Variants in RNF217 observed in about 807,000 individuals in gnomAD.
RNF217 encodes the protein E3 ubiquitin-protein ligase RNF217.
In RNF217, 31 loss-of-function variants were observed where a neutral mutation model predicts 57.8. The observed-to-expected ratio is 0.54, with a 90% CI of 0.40 to 0.72. The LOEUF (loss-of-function observed/expected upper bound fraction) is 0.72, where lower values mean the gene tolerates loss of function less well. RNF217 is among the 30% of genes least tolerant of loss of function. The probability of loss-of-function intolerance (pLI) is 0.00; values close to 1 mark genes in which losing one functional copy is unlikely to be tolerated. For synonymous variants in RNF217, 313 were observed against 294.0 expected, an observed-to-expected ratio of 1.06 and a Z score of -0.66; for missense variants, 696 against 708.3, an observed-to-expected ratio of 0.98 and a Z score of 0.20.
intron 1 of RNF217, among the ~76,000 whole-genome samples, chr6:124,965,293 G>A (rs1783494367): frequency 6.6e-6 from 1 of 152,140 alleles, no homozygotes; most frequent in Non-Finnish European, 1.5e-5. Context: ...CACATTATTG[G>A]CCGGGTGCGG....
rs1349607957 is a variant in RNF217 at position 125,091,907 on chromosome 6, G to A, written c.*8970G>A. On this transcript the variant is annotated 3_prime_UTR_variant, in exon 6 of 6. Coordinates refer to ENST00000521654, the MANE Select transcript of RNF217 (RefSeq NM_001286398.3). Reference sequence around the variant, plus strand: ...TTGCTCTTCTTGATCTGTGCCTTTTGTTTTAGCTTTATACAAAATGCTAGG... The same window carrying A: ...TTGCTCTTCTTGATCTGTGCCTTTTATTTTAGCTTTATACAAAATGCTAGG... The A allele has an allele frequency of 4.6e-5, 7 of 151,958 alleles. No individual in the cohort carries two copies. Among genetic ancestry groups the A allele is most frequent in the Non-Finnish European group, 7.4e-5 (5 of 67,966 alleles). 9.4% of individuals were successfully genotyped at this position (151,958 alleles called of 1,614,324 possible). A position where few individuals can be genotyped will look rare whatever the true frequency, so the allele number is the denominator to read the frequency against.
In RNF217 at chr6:124,963,306, C is replaced by T. The variant is rs1443553866; in HGVS notation, c.762C>T (p.Pro254=). 2.0e-6 allele frequency: 3 copies of T among 1,535,760 alleles called. No homozygotes were observed. The highest frequency in any genetic ancestry group is 1.7e-6 in the Non-Finnish European group (2 of 1,146,734). Residue 254 remains proline (P), a synonymous_variant, in exon 1 of 6, where the codon CCC becomes CCT. Transcript: ENST00000521654. ...PYSGLGGVGD[P]YVPLMVLMCR... Reference sequence around the variant, plus strand: ...CTGGCCTGGGCGGTGTAGGGGATCCCTATGTGCCCCTCATGGTGCTGATGT... The same window carrying T: ...CTGGCCTGGGCGGTGTAGGGGATCCTTATGTGCCCCTCATGGTGCTGATGT...
At chr6:125,071,155 G>A (rs1358825917) in intron 3 of RNF217, among the ~76,000 whole-genome samples, 1 of 152,104 alleles carries the variant, frequency 6.6e-6, no homozygotes, top group African/African-American at 2.4e-5. Context: ...CATGCAGATG[G>A]TTCCCAAGTT....
intron 3 of RNF217, among the ~76,000 whole-genome samples, chr6:125,073,038 A>G (rs1448920572): frequency 6.6e-6 from 1 of 152,228 alleles, no homozygotes; most frequent in African/African-American, 2.4e-5. Flanking sequence ...TTTCCTTGGT[A>G]GATCACCCAC....
chr6:125,052,284 T>TTGTG (rs368469313), intron 2 of RNF217, among the ~76,000 whole-genome samples: 4,460 of 143,178 alleles, frequency 0.031, 89 homozygotes, highest in African/African-American at 0.052. Context: ...GTCATGCGTT[T>TTGTG]TGTGTGTGTG....
chr6:125,080,929 G>A (rs1397624613), intron 4 of RNF217, among the ~76,000 whole-genome samples: 2 of 151,912 alleles, frequency 1.3e-5, no homozygotes, highest in Admixed American at 6.6e-5. Flanking sequence ...TCTGTTAGGC[G>A]TTCATATTAT....
intron 3 of RNF217, among the ~76,000 whole-genome samples, chr6:125,070,609 T>C (rs563715979): frequency 1.3e-5 from 2 of 152,356 alleles, no homozygotes; most frequent in East Asian, 1.9e-4. Flanking sequence ...ATGCTGAGCA[T>C]TTTTTCATAT....
At chr6:125,003,373 T>TG (rs200551877) in intron 1 of RNF217, among the ~76,000 whole-genome samples, 2,596 of 152,286 alleles carry the variant, frequency 0.017, 72 homozygotes, top group African/African-American at 0.06. Flanking sequence ...TTTTGGTATG[T>TG]GACCTTGGAA....
chr6:125,045,176 G>C (rs200530162), intron 1 of RNF217, 35 bp from the exon 2 acceptor site: 3 of 1,405,872 alleles, frequency 2.1e-6, no homozygotes, highest in Non-Finnish European at 3.0e-6. Flanking sequence ...AACCAGTGAC[G>C]TTTTTTTCCT....
At chr6:124,991,338 A>T (rs1269037660) in intron 1 of RNF217, among the ~76,000 whole-genome samples, 1 of 152,154 alleles carries the variant, frequency 6.6e-6, no homozygotes, top group African/African-American at 2.4e-5. Context: ...TAATATTTAC[A>T]TGGCTAGCTC....
intron 1 of RNF217, among the ~76,000 whole-genome samples, chr6:125,004,195 T>A (rs1242051721): frequency 6.6e-6 from 1 of 152,164 alleles, no homozygotes; most frequent in Non-Finnish European, 1.5e-5. Flanking sequence ...CAGTTATATT[T>A]CCCCTTTTGT....
rs1788789042 is a variant in RNF217 at position 125,087,010 on chromosome 6, C to T, written c.*4073C>T. On this transcript the variant is annotated 3_prime_UTR_variant, in exon 6 of 6. Coordinates refer to ENST00000521654, the MANE Select transcript of RNF217 (RefSeq NM_001286398.3). ...GATGCCCCTCTTCAACCTCATTTTT[C>T]TCCATACCTCTGCTATTCTAACTAT... The T allele has an allele frequency of 6.6e-6, 1 of 152,036 alleles. No individual in the cohort carries two copies. Among genetic ancestry groups the T allele is most frequent in the South Asian group, 2.1e-4 (1 of 4,832 alleles). The allele number at this position is 152,036 out of a possible 1,614,324, so 9.4% of individuals were successfully genotyped here. A position where few individuals can be genotyped will look rare whatever the true frequency, so the allele number is the denominator to read the frequency against.
At chr6:124,993,964 T>C (rs752128253) in intron 1 of RNF217, among the ~76,000 whole-genome samples, 1 of 152,102 alleles carries the variant, frequency 6.6e-6, no homozygotes, top group African/African-American at 2.4e-5. Flanking sequence ...CTGCAGGTAG[T>C]GGGCAGTGAT....
intron 3 of RNF217, among the ~76,000 whole-genome samples, chr6:125,068,064 C>A (rs181479516): frequency 6.6e-6 from 1 of 152,120 alleles, no homozygotes; most frequent in African/African-American, 2.4e-5. Context: ...GGATAATATT[C>A]ATGTGTTTTT....
At chr6:124,997,711 A>G (rs1784805810) in intron 1 of RNF217, among the ~76,000 whole-genome samples, 1 of 152,154 alleles carries the variant, frequency 6.6e-6, no homozygotes, top group African/African-American at 2.4e-5. Flanking sequence ...TAAATCCTGC[A>G]TCTTTAATCT....
rs959569614 is a variant in RNF217, at chr6:125,085,009, A to G, written c.*2072A>G. 4.6e-5 allele frequency: 7 copies of G among 151,896 alleles called. No individual in the cohort carries two copies. The highest frequency in any genetic ancestry group is 3.9e-4 in the Admixed American group (6 of 15,226). The allele number at this position is 151,896 out of a possible 1,614,324, so 9.4% of individuals were successfully genotyped here. On this transcript the variant is annotated 3_prime_UTR_variant, in exon 6 of 6. Transcript: ENST00000521654. ...AACTCTAAACCTAGCTGATCTGTAT[A>G]TGTATGATGTATATATGTCATATGT...
At chr6:124,982,281 G>C (rs961727702) in intron 1 of RNF217, among the ~76,000 whole-genome samples, 1 of 152,050 alleles carries the variant, frequency 6.6e-6, no homozygotes, top group Non-Finnish European at 1.5e-5. Flanking sequence ...TCACTTCAAA[G>C]TAAATTCAAT....
intron 1 of RNF217, among the ~76,000 whole-genome samples, chr6:124,990,482 A>AACCTGTTT (rs1264789406): frequency 1.3e-5 from 2 of 152,136 alleles, no homozygotes; most frequent in African/African-American, 4.8e-5. Flanking sequence ...TTTCCCTGTA[A>AACCTGTTT]ACCTGTTTTA....
intron 1 of RNF217, among the ~76,000 whole-genome samples, chr6:125,012,012 A>ACTTTC (rs1785433697): frequency 2.0e-5 from 3 of 152,238 alleles, no homozygotes; most frequent in Admixed American, 1.3e-4. Context: ...TTTTAAAAGG[A>ACTTTC]TACTCATTGA....
Sources: gnomAD v4.1 joint callset for allele counts (sites outside exome capture counted in the v4.1 genomes callset) on GRCh38, gnomAD v4.1.1 for gene constraint, MANE v1.5 for transcripts, NCBI Gene and HGNC (gene_info 2026-07-23, HGNC 2026-07-21) for gene names.